ACOXL: variants seen among roughly 807,000 people sequenced by gnomAD.
ACOXL encodes acyl-CoA oxidase like, also known as acyl-coenzyme A oxidase-like protein.
In ACOXL, 70 loss-of-function variants were observed where a neutral mutation model predicts 71.9. The ratio of observed to expected loss-of-function variants is 0.97; its 90% CI spans 0.80 to 1.19. The LOEUF (loss-of-function observed/expected upper bound fraction) is 1.19. ACOXL is among the 50% of genes most tolerant of loss of function. The probability of loss-of-function intolerance (pLI) is 0.00; values close to 1 mark genes in which losing one functional copy is unlikely to be tolerated. For missense variants in ACOXL, 703 were observed against 736.3 expected (o/e 0.95, Z 0.52); for synonymous variants, 253 against 281.6 (o/e 0.90, Z 1.02).
intron 10 of ACOXL, among the ~76,000 whole-genome samples, chr2:110,879,205 A>C (rs1313518168): frequency 6.6e-6 from 1 of 152,218 alleles, no homozygotes; most frequent in Non-Finnish European, 1.5e-5. Context: ...AATCAAATCC[A>C]AAGAAAATGA....
At chr2:110,921,402 T>TCCC in intron 11 of ACOXL, among the ~76,000 whole-genome samples, 1 of 111,940 alleles carries the variant, frequency 8.9e-6, no homozygotes, top group Non-Finnish European at 2.0e-5. Context: ...CCCCCCCCCT[T>TCCC]TTTTTTTTGA....
chr2:111,082,889 A>G (rs1204147811), intron 16 of ACOXL, among the ~76,000 whole-genome samples: 2 of 152,228 alleles, frequency 1.3e-5, no homozygotes, highest in Non-Finnish European at 2.9e-5. Context: ...TTTCAGGGAC[A>G]TGGATGAAGC....
chr2:111,049,950 A>G (rs1467207331), intron 16 of ACOXL, among the ~76,000 whole-genome samples: 1 of 152,162 alleles, frequency 6.6e-6, no homozygotes, highest in East Asian at 1.9e-4. Context: ...TTTAATTAAA[A>G]CTTTGTCTTT....
intron 16 of ACOXL, among the ~76,000 whole-genome samples, chr2:111,057,516 T>C (rs1234186329): frequency 1.3e-5 from 2 of 152,164 alleles, no homozygotes; most frequent in Non-Finnish European, 2.9e-5. Context: ...CAGCTAATAG[T>C]TGCTCTAGAA....
chr2:111,000,124 G>A (rs552406069), intron 14 of ACOXL, among the ~76,000 whole-genome samples: 6 of 152,266 alleles, frequency 3.9e-5, no homozygotes, highest in Middle Eastern at 6.8e-3. Flanking sequence ...GTACCTTGAC[G>A]AAATTATTAC....
intron 16 of ACOXL, among the ~76,000 whole-genome samples, chr2:111,067,093 A>C (rs936063819): frequency 4.6e-5 from 7 of 152,178 alleles, no homozygotes; most frequent in African/African-American, 1.7e-4. Flanking sequence ...AATGGATCAT[A>C]TATTAATCTA....
At position 111,085,991 on chromosome 2, in the gene ACOXL, C is replaced by T. The variant is rs530775854; in HGVS notation, c.1441-6874C>T. Among the ~76,000 whole-genome samples, 5 of 152,182 alleles carry T rather than the reference C, an allele frequency of 3.3e-5. No homozygotes were observed. The East Asian group carries it at 9.6e-4, about 29-fold the overall frequency. On this transcript the variant is annotated intron_variant, in intron 16 of 17. Transcript: ENST00000439055. The stretch of plus-strand genomic sequence containing the variant: ...AGAAAGGGATAAGTTCCTGGACACA[C>T]ACATCCTCCCAAGGCTGAACTAGGA...
intron 11 of ACOXL, among the ~76,000 whole-genome samples, chr2:110,922,416 C>G (rs2060113578): frequency 6.6e-6 from 1 of 152,006 alleles, no homozygotes; most frequent in African/African-American, 2.4e-5. Flanking sequence ...TGAGTTTTCC[C>G]CAGTGTGACT....
intron 7 of ACOXL, among the ~76,000 whole-genome samples, chr2:110,800,020 A>G (rs1310982559): frequency 6.6e-6 from 1 of 152,220 alleles, no homozygotes; most frequent in African/African-American, 2.4e-5. Context: ...GGGCACTCTG[A>G]TAGGACAGAA....
At chr2:110,926,710 C>A (rs2060282754) in intron 11 of ACOXL, among the ~76,000 whole-genome samples, 1 of 152,054 alleles carries the variant, frequency 6.6e-6, no homozygotes, top group Admixed American at 6.5e-5. Flanking sequence ...ACTTTCTATC[C>A]CCCTGTCCCA....
intron 10 of ACOXL, among the ~76,000 whole-genome samples, chr2:110,903,619 G>A (rs772056292): frequency 6.6e-6 from 1 of 152,172 alleles, no homozygotes; most frequent in Non-Finnish European, 1.5e-5. Context: ...TGTTTTTAAA[G>A]GAAAATAGTA....
intron 10 of ACOXL, among the ~76,000 whole-genome samples, chr2:110,907,684 G>T (rs76307991): frequency 1.3e-3 from 192 of 152,236 alleles, no homozygotes; most frequent in African/African-American, 4.6e-3. Context: ...GCTTGCACGC[G>T]GCCTTCCTTG....
intron 11 of ACOXL, among the ~76,000 whole-genome samples, chr2:110,933,249 G>A (rs1558749706): frequency 6.6e-6 from 1 of 151,990 alleles, no homozygotes; most frequent in African/African-American, 2.4e-5. Context: ...TATGTTCTTT[G>A]TTCCCTTTTC....
chr2:111,037,552 A>G (rs2065576776), intron 15 of ACOXL, among the ~76,000 whole-genome samples: 1 of 152,236 alleles, frequency 6.6e-6, no homozygotes, highest in Non-Finnish European at 1.5e-5. Flanking sequence ...ACACACAGCC[A>G]TCTGTGTAAT....
intron 14 of ACOXL, among the ~76,000 whole-genome samples, chr2:111,020,869 C>G (rs1162058537): frequency 6.6e-6 from 1 of 152,224 alleles, no homozygotes; most frequent in East Asian, 1.9e-4. Context: ...TGAGACTCCT[C>G]TGTAAAAGCA....
chr2:111,004,139 G>A (rs1002418650), intron 14 of ACOXL, among the ~76,000 whole-genome samples: 9 of 152,312 alleles, frequency 5.9e-5, no homozygotes, highest in African/African-American at 2.2e-4. Context: ...CCAAGAGAGG[G>A]TGATTTCATC....
chr2:110,867,841 C>T (rs1179745012), intron 10 of ACOXL, among the ~76,000 whole-genome samples: 24 of 152,160 alleles, frequency 1.6e-4, no homozygotes, highest in Non-Finnish European at 2.8e-4. Flanking sequence ...CGGCTCACTG[C>T]AAGCTCTGCC....
intron 12 of ACOXL, among the ~76,000 whole-genome samples, chr2:110,957,486 T>A (rs1220740402): frequency 1.3e-5 from 2 of 152,176 alleles, no homozygotes; most frequent in Non-Finnish European, 2.9e-5. Flanking sequence ...AGGAATTTCT[T>A]TTCTCACAAC....
intron 15 of ACOXL, among the ~76,000 whole-genome samples, chr2:111,042,218 T>A (rs1343687072): frequency 6.6e-6 from 1 of 152,278 alleles, no homozygotes; most frequent in Non-Finnish European, 1.5e-5. Flanking sequence ...ACAGTCTTAG[T>A]CTTAGTCTTA....
Sources: gnomAD v4.1 joint callset for allele counts (sites outside exome capture counted in the v4.1 genomes callset) on GRCh38, gnomAD v4.1.1 for gene constraint, MANE v1.5 for transcripts, NCBI Gene and HGNC (gene_info 2026-07-23, HGNC 2026-07-21) for gene names.